RASAL2: variants seen among roughly 807,000 people sequenced by gnomAD.
RASAL2 encodes ras GTPase-activating protein nGAP.
RASAL2 carries 58 observed loss-of-function variants against 128.9 expected under a neutral mutation model. The observed-to-expected ratio is 0.45, with a 90% CI of 0.36 to 0.56. RASAL2 has a LOEUF of 0.56. Among genes scored for constraint, RASAL2 ranks in the 20% least tolerant of loss-of-function variants. The pLI, the probability that RASAL2 is intolerant of heterozygous loss-of-function variation, is 0.00. For synonymous variants in RASAL2, 561 were observed against 580.8 expected (o/e 0.97, Z 0.49); for missense variants, 1,360 against 1,601.6 (o/e 0.85, Z 2.57).
At chr1:178,300,237 G>T in intron 3 of RASAL2, 119 bp downstream of exon 3, 2 of 1,165,424 alleles carry the variant, frequency 1.7e-6, no homozygotes, top group Non-Finnish European at 2.4e-6. Context: ...GAAATCAATG[G>T]CACGTTAAGC....
intron 14 of RASAL2, among the ~76,000 whole-genome samples, chr1:178,463,568 T>A (rs1647332345): frequency 6.6e-6 from 1 of 152,182 alleles, no homozygotes. Context: ...ATTTTGATCC[T>A]GTATTCAAGA....
intron 4 of RASAL2, among the ~76,000 whole-genome samples, chr1:178,404,759 G>C (rs1478584775): frequency 2.8e-5 from 4 of 142,724 alleles, no homozygotes; most frequent in Non-Finnish European, 6.0e-5. Flanking sequence ...TCAGCTCACT[G>C]TAACCTCCAC....
At chr1:178,451,942 C>A (rs2102885511) in intron 10 of RASAL2, among the ~76,000 whole-genome samples, 1 of 152,280 alleles carries the variant, frequency 6.6e-6, no homozygotes, top group East Asian at 1.9e-4. Context: ...TAAATATAAT[C>A]TCTCTAATAG....
At position 178,106,909 on chromosome 1, in the gene RASAL2, A is replaced by G. The variant is rs192755425; in HGVS notation, c.202+12215A>G. ...ACCTTGAGAGAGGCTTGACTTTGTAATATCTATTAGCTGATCATCTTTCTT... is the reference window on the plus strand; with the variant it reads ...ACCTTGAGAGAGGCTTGACTTTGTAGTATCTATTAGCTGATCATCTTTCTT... On this transcript the variant is annotated intron_variant, in intron 1 of 17. Transcript: ENST00000367649. Among the ~76,000 whole-genome samples, 369 of 152,286 alleles carry G rather than the reference A, an allele frequency of 2.4e-3. 1 individual carries two copies. Among genetic ancestry groups the G allele is most frequent in the African/African-American group, 8.6e-3 (358 of 41,574 alleles).
chr1:178,318,617 CCT>C (rs1282220861), intron 3 of RASAL2, among the ~76,000 whole-genome samples: 6 of 150,704 alleles, frequency 4.0e-5, no homozygotes, highest in Admixed American at 6.6e-5. Context: ...GATTGCAACC[CCT>C]GTCTTTTTTT....
rs1294100411 is a variant in RASAL2 at position 178,445,568 on chromosome 1, T to A, written c.1533T>A (p.His511Gln). The A allele has an allele frequency of 6.2e-7, 1 of 1,613,870 alleles. No homozygotes were observed. The highest frequency in any genetic ancestry group is 2.2e-5 in the East Asian group (1 of 44,868). ...CTGAGGTGGATCGTTGTGGAGAGCA[T>A]GATGTCTTGATCTTCAGAGAGAACA... is the stretch of plus-strand genomic sequence containing the variant. ...VMSEVDRCGE[H>Q]DVLIFRENTI... Residue 511 changes from histidine to glutamine, a missense_variant, in exon 9 of 18, where the codon CAT (histidine) becomes CAA (glutamine). Transcript: ENST00000367649.
At chr1:178,171,877 A>G (rs1460573158) in intron 1 of RASAL2, among the ~76,000 whole-genome samples, 4 of 152,022 alleles carry the variant, frequency 2.6e-5, no homozygotes, top group Admixed American at 2.0e-4. Context: ...AGGATTTATC[A>G]TGGCTAATAT....
At chr1:178,451,028 T>C (rs1677339641) in intron 9 of RASAL2, among the ~76,000 whole-genome samples, 1 of 152,304 alleles carries the variant, frequency 6.6e-6, no homozygotes, top group Admixed American at 6.5e-5. Flanking sequence ...GAAAAGCATA[T>C]ACAGATTATG....
At chr1:178,423,276 CT>C (rs1557977525) in intron 5 of RASAL2, among the ~76,000 whole-genome samples, 1 of 151,956 alleles carries the variant, frequency 6.6e-6, no homozygotes, top group Admixed American at 6.6e-5. Flanking sequence ...GAACATGTGC[CT>C]TTTTGTACTG....
At chr1:178,309,819 G>T (rs900984521) in intron 3 of RASAL2, among the ~76,000 whole-genome samples, 1 of 152,152 alleles carries the variant, frequency 6.6e-6, no homozygotes. Flanking sequence ...AAGTTTCCTT[G>T]TGGTAGAGGG....
intron 3 of RASAL2, among the ~76,000 whole-genome samples, chr1:178,302,535 A>T (rs150569472): frequency 5.3e-4 from 80 of 152,346 alleles, no homozygotes; most frequent in African/African-American, 1.4e-3. Context: ...TACCATGATG[A>T]TGGTTTAGAA....
intron 1 of RASAL2, chr1:178,194,655 T>G (rs1379782366): frequency 5.7e-6 from 1 of 174,036 alleles, no homozygotes; most frequent in Non-Finnish European, 1.3e-5. Flanking sequence ...GCTAGCTGTT[T>G]GCAGGAGGCT....
intron 5 of RASAL2, among the ~76,000 whole-genome samples, chr1:178,438,102 T>TTTGTG (rs1491265355): frequency 7.0e-6 from 1 of 142,056 alleles, no homozygotes; most frequent in African/African-American, 2.6e-5. Context: ...AAATGGTGGC[T>TTTGTG]TGTGTGTGTG....
chr1:178,420,962 A>G (rs1675106020), intron 5 of RASAL2, among the ~76,000 whole-genome samples: 1 of 152,212 alleles, frequency 6.6e-6, no homozygotes. Flanking sequence ...TAGCTAAACA[A>G]TTTTAGCACT....
chr1:178,367,936 A>T (rs913981748), intron 3 of RASAL2, among the ~76,000 whole-genome samples: 1 of 151,974 alleles, frequency 6.6e-6, no homozygotes, highest in African/African-American at 2.4e-5. Flanking sequence ...TAAATCAGGG[A>T]TCATTTAAGT....
intron 3 of RASAL2, among the ~76,000 whole-genome samples, chr1:178,331,089 C>A (rs1180038693): frequency 6.6e-6 from 1 of 152,204 alleles, no homozygotes; most frequent in Non-Finnish European, 1.5e-5. Context: ...GAATTTGGCC[C>A]TAAAGTCAGT....
At chr1:178,303,795 G>A (rs1413580642) in intron 3 of RASAL2, among the ~76,000 whole-genome samples, 1 of 151,994 alleles carries the variant, frequency 6.6e-6, no homozygotes, top group Non-Finnish European at 1.5e-5. Context: ...TGAGCAAGAG[G>A]CTTGAACAGA....
chr1:178,113,415 C>T lies in RASAL2; in HGVS notation c.202+18721C>T, dbSNP rs1659406993. Among the ~76,000 whole-genome samples, 3 of 152,064 alleles carry T rather than the reference C, an allele frequency of 2.0e-5. No individual in the cohort carries two copies. In the South Asian group the frequency reaches 6.2e-4, roughly 32 times the overall value. The stretch of plus-strand genomic sequence containing the variant: ...GAACTCCTGGGCTCAAGCAATCTTC[C>T]CACCTCAGATTCCTTAGTAGCTAGG... On this transcript the variant is annotated intron_variant, in intron 1 of 17. Coordinates refer to ENST00000367649, the MANE Select transcript of RASAL2 (RefSeq NM_170692.4).
chr1:178,110,650 A>ATATATATATATATGTATG (rs68137228), intron 1 of RASAL2, among the ~76,000 whole-genome samples: 1 of 139,158 alleles, frequency 7.2e-6, no homozygotes, highest in Non-Finnish European at 1.5e-5. Context: ...ATATATATAT[A>ATATATATATATATGTATG]TATGTATGTA....
Sources: gnomAD v4.1 joint callset for allele counts (sites outside exome capture counted in the v4.1 genomes callset) on GRCh38, gnomAD v4.1.1 for gene constraint, MANE v1.5 for transcripts, NCBI Gene and HGNC (gene_info 2026-07-23, HGNC 2026-07-21) for gene names.